The following SYNE1 variants were observed in gnomAD, a reference collection of about 807,000 sequenced individuals.
The protein encoded by SYNE1 is nesprin-1.
In SYNE1, 616 loss-of-function variants were observed where a neutral mutation model predicts 1,111.0. That is an observed-to-expected ratio of 0.55 (90% CI 0.52 to 0.59). The LOEUF (loss-of-function observed/expected upper bound fraction) is 0.59, where lower values mean the gene tolerates loss of function less well. Ranked by LOEUF, SYNE1 falls within the 20% of genes least tolerant of loss-of-function variation. The pLI, the probability that SYNE1 is intolerant of heterozygous loss-of-function variation, is 0.00. For missense variants in SYNE1, 10,006 were observed against 10,417.0 expected, an observed-to-expected ratio of 0.96 and a Z score of 1.72; for synonymous variants, 3,855 against 3,825.8, an observed-to-expected ratio of 1.01 and a Z score of -0.28.
chr6:152,304,269 A>G (rs1468156691), intron 91 of SYNE1, among the ~76,000 whole-genome samples: 1 of 152,222 alleles, frequency 6.6e-6, no homozygotes, highest in Non-Finnish European at 1.5e-5. Flanking sequence ...CTTGAATTTC[A>G]AGTCACCAAG....
chr6:152,504,300 T>C (rs1230059274), intron 9 of SYNE1, among the ~76,000 whole-genome samples: 1 of 152,124 alleles, frequency 6.6e-6, no homozygotes, highest in Non-Finnish European at 1.5e-5. Context: ...GGAATCTCCA[T>C]GGGGCCCTTC....
At position 152,471,669 on chromosome 6, in the gene SYNE1, C is replaced by T; in HGVS notation, c.1560G>A (p.Glu520=). Residue 520 remains glutamate, a synonymous_variant, in exon 16 of 146, where the codon GAG becomes GAA. Coordinates refer to ENST00000367255, the MANE Select transcript of SYNE1 (RefSeq NM_182961.4). ...TAATGATCCAAGACTTCAGCTTTGA[C>T]TCTGCAAGAACCAGCAGTGAGAGCA... ...YRLLSLLVLA[E]SKLKSWIIKY... 1.9e-6 allele frequency: 3 copies of T among 1,614,034 alleles called. No individual in the cohort carries two copies. Among genetic ancestry groups the T allele is most frequent in the Non-Finnish European group, 2.5e-6 (3 of 1,179,898 alleles).
intron 14 of SYNE1, chr6:152,478,741 T>C (rs2098851342): frequency 6.6e-6 from 1 of 152,028 alleles, no homozygotes; most frequent in South Asian, 2.1e-4. Context: ...GAAGAGGGAA[T>C]GGAGTCGGGA....
intron 24 of SYNE1, 144 bp from the exon 25 acceptor site, chr6:152,453,864 A>G: frequency 1.1e-6 from 1 of 925,870 alleles, no homozygotes; most frequent in East Asian, 2.4e-5. Flanking sequence ...ATTGTTTTTT[A>G]AGGATGAACT....
At position 152,381,044 on chromosome 6, in the gene SYNE1, T is replaced by C. The variant is rs916053944; in HGVS notation, c.8971A>G (p.Thr2991Ala). 1.2e-6 allele frequency: 2 copies of C among 1,614,002 alleles called. No homozygotes were observed. Among genetic ancestry groups the C allele is most frequent in the African/African-American group, 2.7e-5 (2 of 74,902 alleles). The change falls in exon 56 of 146, where the codon ACG (threonine) becomes GCG (alanine). Residue 2991 changes from threonine to alanine, a missense_variant. Transcript: ENST00000367255. ...QQLTLLEGKNTDEEIVECWHK... is the reference protein window; with the variant it reads ...QQLTLLEGKNADEEIVECWHK... Reference sequence around the variant, plus strand: ...CAGCATTCCACTATCTCCTCATCCGTGTTCTTGCCTTCCAGGAGGGTTAAC... The same window carrying C: ...CAGCATTCCACTATCTCCTCATCCGCGTTCTTGCCTTCCAGGAGGGTTAAC...
At chr6:152,480,950 C>T (rs2098890936) in intron 14 of SYNE1, among the ~76,000 whole-genome samples, 1 of 152,078 alleles carries the variant, frequency 6.6e-6, no homozygotes, top group South Asian at 2.1e-4. Flanking sequence ...TGGGGGTTGG[C>T]ACAGGGTGTC....
chr6:152,524,117 G>T (rs77392112), intron 5 of SYNE1, among the ~76,000 whole-genome samples: 4,069 of 152,154 alleles, frequency 0.027, 203 homozygotes, highest in African/African-American at 0.093. Context: ...GAGCATCCTT[G>T]TCTTGTTCCA....
At chr6:152,377,288 G>A (rs1442332614) in intron 56 of SYNE1, among the ~76,000 whole-genome samples, 1 of 152,022 alleles carries the variant, frequency 6.6e-6, no homozygotes, top group Non-Finnish European at 1.5e-5. Context: ...TTATTTTAAA[G>A]AAAAGCAACA....
At chr6:152,500,811 C>T (rs998456164) in intron 10 of SYNE1, among the ~76,000 whole-genome samples, 9 of 151,736 alleles carry the variant, frequency 5.9e-5, no homozygotes, top group African/African-American at 1.7e-4. Flanking sequence ...ATTAGCCGGG[C>T]GTGGTGGCGG....
chr6:152,597,393 A>C lies in SYNE1; in HGVS notation c.67+30872T>G, dbSNP rs570446719. ...TGTGGGTTCAAGTGATCCTTCTACC[A>C]CCTCAGCCTCCTGAGTAGCTGGGAC... On this transcript the variant is annotated intron_variant, in intron 3 of 145. Transcript: ENST00000367255. Among the ~76,000 whole-genome samples the C allele has an allele frequency of 4.6e-5, 7 of 152,098 alleles. No individual in the cohort carries two copies. The East Asian group carries it at 1.4e-3, about 29-fold the overall frequency.
chr6:152,603,788 T>A (rs935873322), intron 3 of SYNE1, among the ~76,000 whole-genome samples: 8 of 139,218 alleles, frequency 5.7e-5, no homozygotes, highest in Non-Finnish European at 1.1e-4. Flanking sequence ...ATCTCTCTAT[T>A]TATTTTATAT....
intron 98 of SYNE1, among the ~76,000 whole-genome samples, chr6:152,277,150 A>T (rs1229602597): frequency 6.6e-6 from 1 of 151,344 alleles, no homozygotes; most frequent in Non-Finnish European, 1.5e-5. Context: ...TTGGCTTCCC[A>T]AAGTGCTGGG....
chr6:152,268,163 C>G lies in SYNE1; in HGVS notation c.18708G>C (p.Glu6236Asp). Reference sequence around the variant, plus strand: ...TCTGCTCGGCTAATTCCTGTTCTAACTCCTGCTCAAGGGAAAGGACAAACG... The same window carrying G: ...TCTGCTCGGCTAATTCCTGTTCTAAGTCCTGCTCAAGGGAAAGGACAAACG... ...QRQSSLQQQK[E>D]LEQELAEQKS... The change falls in exon 100 of 146, where the codon GAG becomes GAC. Residue 6236 changes from glutamate (E) to aspartate (D), a missense_variant and splice_region_variant. Glu to Asp is a conservative substitution (Grantham distance 45). This residue lies in a region of SYNE1 where 2,182 missense variants were observed against 2,287.8 expected (regional missense o/e 0.95). Coordinates refer to ENST00000367255, the MANE Select transcript of SYNE1 (RefSeq NM_182961.4). The G allele has an allele frequency of 6.2e-7, 1 of 1,613,532 alleles. No individual in the cohort carries two copies. The highest frequency in any genetic ancestry group is 8.5e-7 in the Non-Finnish European group (1 of 1,179,424).
At position 152,633,636 on chromosome 6, in the gene SYNE1, T is replaced by C. The variant is rs534343164; in HGVS notation, c.-224+3002A>G. Among the ~76,000 whole-genome samples, 108 of 63,868 alleles carry C rather than the reference T, an allele frequency of 1.7e-3. 3 individuals carry two copies. The highest frequency in any genetic ancestry group is 6.8e-3 in the Middle Eastern group (1 of 146). 41.9% of individuals were successfully genotyped at this position (63,868 alleles called of 152,430 possible). A position where few individuals can be genotyped will look rare whatever the true frequency, so the allele number is the denominator to read the frequency against. On this transcript the variant is annotated intron_variant, in intron 2 of 145. Coordinates refer to ENST00000367255, the MANE Select transcript of SYNE1 (RefSeq NM_182961.4). ...TTGGGATGCTCCCAGTTGAAAGGCA[T>C]ACTCTTCTTAGGAATTTGGACTACC...
intron 84 of SYNE1, chr6:152,319,851 C>CAAAA (rs2095829288): frequency 7.1e-6 from 1 of 141,394 alleles, no homozygotes; most frequent in African/African-American, 2.6e-5. Context: ...ACTAAAAAAA[C>CAAAA]AAACAAACAA....
At chr6:152,440,625 T>G (rs192197458) in intron 32 of SYNE1, among the ~76,000 whole-genome samples, 189 of 142,204 alleles carry the variant, frequency 1.3e-3, no homozygotes, top group African/African-American at 5.0e-3. Context: ...TGGAGTGCAG[T>G]GGTGCCATCT....
At chr6:152,413,198 T>G (rs2098096150) in intron 42 of SYNE1, among the ~76,000 whole-genome samples, 154 bp downstream of exon 42, 1 of 152,154 alleles carries the variant, frequency 6.6e-6, no homozygotes, top group African/African-American at 2.4e-5. Context: ...TCTGTCGAAA[T>G]AAGTAAATTT....
intron 91 of SYNE1, among the ~76,000 whole-genome samples, chr6:152,307,838 T>TTGTC (rs1372810414): frequency 6.6e-6 from 1 of 151,562 alleles, no homozygotes; most frequent in Non-Finnish European, 1.5e-5. Context: ...TAAGTCTTGT[T>TTGTC]TGTTTGTTTG....
intron 14 of SYNE1, chr6:152,481,219 C>T (rs2098894290): frequency 4.5e-6 from 1 of 221,692 alleles, no homozygotes; most frequent in Non-Finnish European, 9.1e-6. Context: ...ATACAAAGAA[C>T]AATTGTGTAG....
Sources: gnomAD v4.1 joint callset for allele counts (sites outside exome capture counted in the v4.1 genomes callset) on GRCh38, gnomAD v4.1.1 for gene constraint, gnomAD v4.1.1 regional missense constraint, MANE v1.5 for transcripts, NCBI Gene and HGNC (gene_info 2026-07-23, HGNC 2026-07-21) for gene names.